The following LIMA1 variants were observed in gnomAD, a reference collection of about 807,000 sequenced individuals.
LIMA1 encodes the protein LIM domain and actin-binding protein 1.
A neutral mutation model predicts 62.6 loss-of-function variants in LIMA1; 52 were observed. That is an observed-to-expected ratio of 0.83 (90% confidence interval 0.67 to 1.05). The LOEUF is 1.05. Among genes scored for constraint, LIMA1 ranks in the 50% least tolerant of loss-of-function variants. The pLI, the probability that LIMA1 is intolerant of heterozygous loss-of-function variation, is 0.00. For missense variants in LIMA1, 780 were observed against 902.2 expected, an observed-to-expected ratio of 0.86 and a Z score of 1.74; for synonymous variants, 302 against 317.8, an observed-to-expected ratio of 0.95 and a Z score of 0.53.
intron 2 of LIMA1, among the ~76,000 whole-genome samples, chr12:50,243,466 C>T (rs547664822): frequency 9.8e-5 from 15 of 152,300 alleles, no homozygotes; most frequent in Admixed American, 2.0e-4. Flanking sequence ...CCACCCTCAA[C>T]GCGCCTGATC....
At chr12:50,210,433 A>G (rs1000794981) in intron 4 of LIMA1, among the ~76,000 whole-genome samples, 6 of 145,028 alleles carry the variant, frequency 4.1e-5, no homozygotes, top group African/African-American at 7.6e-5. Context: ...AAAAAAAAAA[A>G]AAGAAAAAAA....
At chr12:50,235,705 A>G (rs893230074) in intron 2 of LIMA1, among the ~76,000 whole-genome samples, 1 of 152,190 alleles carries the variant, frequency 6.6e-6, no homozygotes, top group African/African-American at 2.4e-5. Flanking sequence ...CACTTCGTTG[A>G]CCATAACTAG....
At chr12:50,193,714 G>C (rs1394008729) in intron 8 of LIMA1, among the ~76,000 whole-genome samples, 1 of 133,010 alleles carries the variant, frequency 7.5e-6, no homozygotes, top group East Asian at 2.1e-4. Context: ...ACCCAGGCTG[G>C]AGTGCAGTGG....
intron 3 of LIMA1, among the ~76,000 whole-genome samples, chr12:50,230,428 T>C (rs1415827869): frequency 1.3e-5 from 2 of 152,014 alleles, no homozygotes; most frequent in African/African-American, 4.8e-5. Context: ...ATGTAGTAGG[T>C]GCTCAGTGAA....
chr12:50,211,329 C>A (rs1289695706), intron 4 of LIMA1, among the ~76,000 whole-genome samples: 3 of 142,616 alleles, frequency 2.1e-5, no homozygotes, highest in African/African-American at 5.3e-5. Context: ...GCCCCACCCC[C>A]CCAAAAAAAA....
At position 50,200,885 on chromosome 12, in the gene LIMA1, C is replaced by T; in HGVS notation, c.865-1G>A. On this transcript the variant is annotated splice_acceptor_variant, in intron 6 of 10. Coordinates refer to ENST00000341247, the MANE Select transcript of LIMA1 (RefSeq NM_016357.5). LOFTEE classifies it high-confidence loss of function. ...CGCCACCACTGGCTTTCAGCTCATT[C>T]TACAAAATAAAAATAACTGTAAAAA... The T allele has an allele frequency of 6.2e-7, 1 of 1,612,340 alleles. No individual in the cohort carries two copies. The highest frequency in any genetic ancestry group is 8.5e-7 in the Non-Finnish European group (1 of 1,179,574).
chr12:50,274,592 A>C (rs1190408195), intron 1 of LIMA1, among the ~76,000 whole-genome samples: 1 of 152,156 alleles, frequency 6.6e-6, no homozygotes, highest in East Asian at 1.9e-4. Flanking sequence ...AAAAAAAAAA[A>C]AGACAGACAT....
At position 50,192,544 on chromosome 12, in the gene LIMA1, T is replaced by G; in HGVS notation, c.1048A>C (p.Ser350Arg). 6.2e-7 allele frequency: 1 copy of G among 1,613,334 alleles called. No individual in the cohort carries two copies. The highest frequency in any genetic ancestry group is 8.5e-7 in the Non-Finnish European group (1 of 1,179,286). Residue 350 changes from serine to arginine, a missense_variant, in exon 9 of 11, where the codon AGT (serine) becomes CGT (arginine). By Grantham distance (110) the Ser-to-Arg change is moderately radical. Transcript: ENST00000341247. ...EDDSRDSQVK[S>R]EVQQPVHPKP... ...GGATGGACAGGCTGTTGAACCTCAC[T>G]CTTAACCTGGGAGTCACCTGCTTGA...
chr12:50,201,195 T>C, intron 6 of LIMA1: 2 of 1,076,314 alleles, frequency 1.9e-6, no homozygotes, highest in South Asian at 6.0e-5. Flanking sequence ...TTCACTCTTC[T>C]AGCAGCAGAG....
intron 10 of LIMA1, among the ~76,000 whole-genome samples, chr12:50,178,961 T>TAC (rs1327623565): frequency 9.7e-6 from 1 of 102,606 alleles, no homozygotes; most frequent in Non-Finnish European, 1.9e-5. Flanking sequence ...CATATATATA[T>TAC]ATATATTTTT....
At chr12:50,242,181 C>A (rs1273414000) in intron 2 of LIMA1, among the ~76,000 whole-genome samples, 6 of 150,912 alleles carry the variant, frequency 4.0e-5, no homozygotes, top group Non-Finnish European at 7.4e-5. Flanking sequence ...GAATGCTGAG[C>A]CAAAAAGGGA....
chr12:50,271,250 G>C (rs182162441), intron 1 of LIMA1, among the ~76,000 whole-genome samples: 2 of 152,154 alleles, frequency 1.3e-5, no homozygotes, highest in Non-Finnish European at 2.9e-5. Context: ...CAGCCTCGGC[G>C]ACAGGGCAAG....
chr12:50,227,056 ATAGAT>A (rs1174116441), intron 3 of LIMA1, among the ~76,000 whole-genome samples: 12 of 151,588 alleles, frequency 7.9e-5, no homozygotes, highest in East Asian at 1.9e-4. Flanking sequence ...CACCCACCAT[ATAGAT>A]TATAGTATCA....
intron 4 of LIMA1, among the ~76,000 whole-genome samples, chr12:50,215,666 G>A (rs1218733740): frequency 6.6e-6 from 1 of 151,866 alleles, no homozygotes; most frequent in Non-Finnish European, 1.5e-5. Flanking sequence ...GTAGAGATGG[G>A]GTTTCACCGT....
intron 1 of LIMA1, among the ~76,000 whole-genome samples, chr12:50,282,434 C>G (rs138832279): frequency 3.0e-4 from 46 of 152,318 alleles, no homozygotes; most frequent in Admixed American, 1.4e-3. Flanking sequence ...CTGATAACTC[C>G]CTAATTACCT....
intron 7 of LIMA1, 70 bp downstream of exon 7, chr12:50,200,707 T>A: frequency 6.7e-7 from 1 of 1,486,044 alleles, no homozygotes; most frequent in East Asian, 2.3e-5. Flanking sequence ...TTAGAGTTGT[T>A]TCTAATTTCA....
At chr12:50,190,607 C>T (rs1340857556) in intron 9 of LIMA1, among the ~76,000 whole-genome samples, 9 of 147,506 alleles carry the variant, frequency 6.1e-5, no homozygotes, top group Non-Finnish European at 1.2e-4. Context: ...CTTGAACTCC[C>T]GACCTCAGGT....
At chr12:50,268,341 G>A (rs1942164426) in intron 1 of LIMA1, among the ~76,000 whole-genome samples, 1 of 152,132 alleles carries the variant, frequency 6.6e-6, no homozygotes, top group African/African-American at 2.4e-5. Flanking sequence ...TCAGATAAGG[G>A]TGGTACTCTG....
chr12:50,268,147 G>C (rs941075277), intron 1 of LIMA1, among the ~76,000 whole-genome samples: 7 of 152,002 alleles, frequency 4.6e-5, no homozygotes, highest in Non-Finnish European at 1.0e-4. Context: ...AAACAAAAAT[G>C]CCGCTTGACT....
Sources: allele counts gnomAD v4.1 joint callset (sites outside exome capture counted in the v4.1 genomes callset), GRCh38; gene constraint gnomAD v4.1.1; transcripts MANE v1.5; gene names NCBI Gene and HGNC (gene_info 2026-07-23, HGNC 2026-07-21).